Variants in LYZL4 observed in about 807,000 individuals in gnomAD.
LYZL4 encodes the protein lysozyme-like protein 4.
LYZL4 carries 13 observed loss-of-function variants against 17.6 expected under a neutral mutation model. That is an observed-to-expected ratio of 0.74 (90% CI 0.48 to 1.18). The LOEUF (loss-of-function observed/expected upper bound fraction) is 1.18, where lower values mean the gene tolerates loss of function less well. Among genes scored for constraint, LYZL4 ranks in the 50% most tolerant of loss-of-function variants. The pLI is 0.00. For synonymous variants in LYZL4, 64 were observed against 67.7 expected (o/e 0.95, Z 0.27); for missense variants, 174 against 188.2 (o/e 0.92, Z 0.44).
At chr3:42,362,563 C>G in the LYZL4 span, among the ~76,000 whole-genome samples, 3 of 152,202 alleles carry the variant, frequency 2.0e-5, no homozygotes, top group Non-Finnish European at 4.4e-5. Context: ...ATAGATGGAA[C>G]CTTCTAGCTG....
At chr3:42,364,359 TC>T in the LYZL4 span, among the ~76,000 whole-genome samples, 1 of 150,070 alleles carries the variant, frequency 6.7e-6, no homozygotes, top group Non-Finnish European at 1.5e-5. Context: ...TTTTTTTTTT[TC>T]AGGCGGAGTC....
intron 3 of LYZL4, among the ~76,000 whole-genome samples, chr3:42,404,681 T>C (rs2125602231): frequency 6.6e-6 from 1 of 152,298 alleles, no homozygotes; most frequent in Admixed American, 6.5e-5. Context: ...GATAGGTAGA[T>C]AGATTTATAG....
chr3:42,381,118 C>T, the LYZL4 span, among the ~76,000 whole-genome samples: 1 of 152,214 alleles, frequency 6.6e-6, no homozygotes, highest in Non-Finnish European at 1.5e-5. Context: ...AGGTCACCTG[C>T]AGACATGGGA....
chr3:42,366,914 A>G, the LYZL4 span, among the ~76,000 whole-genome samples: 1 of 152,076 alleles, frequency 6.6e-6, no homozygotes, highest in African/African-American at 2.4e-5. Context: ...TGAGACCTAG[A>G]CCCCACCTCT....
the LYZL4 span, among the ~76,000 whole-genome samples, chr3:42,374,776 T>A: frequency 6.6e-6 from 1 of 152,208 alleles, no homozygotes; most frequent in Non-Finnish European, 1.5e-5. Context: ...TTTTTCTAAT[T>A]GCTCCTCAAT....
the LYZL4 span, among the ~76,000 whole-genome samples, chr3:42,378,636 C>T: frequency 2.0e-5 from 3 of 152,126 alleles, no homozygotes; most frequent in Non-Finnish European, 4.4e-5. Context: ...GTTAGGGATG[C>T]CTCACTTCTT....
the LYZL4 span, among the ~76,000 whole-genome samples, chr3:42,370,343 T>C: frequency 2.1e-5 from 3 of 140,428 alleles, no homozygotes; most frequent in Non-Finnish European, 3.1e-5. Context: ...CTCCAGGACA[T>C]GCCCTGGCCA....
In LYZL4 at chr3:42,397,247, C is replaced by A; in HGVS notation, c.*18G>T. On this transcript the variant is annotated 3_prime_UTR_variant, in exon 5 of 5. Coordinates refer to ENST00000287748, the MANE Select transcript of LYZL4 (RefSeq NM_144634.4). ...CACAAGATGCAACTGGTGAGTGCTGCAGGGGCCATGCAGGTGGCTACAGCT... is the reference window on the plus strand; with the variant it reads ...CACAAGATGCAACTGGTGAGTGCTGAAGGGGCCATGCAGGTGGCTACAGCT... 6.5e-7 allele frequency: 1 copy of A among 1,542,758 alleles called. No individual in the cohort carries two copies. Among genetic ancestry groups the A allele is most frequent in the Non-Finnish European group, 8.8e-7 (1 of 1,137,374 alleles).
the LYZL4 span, among the ~76,000 whole-genome samples, chr3:42,382,270 A>G: frequency 6.6e-6 from 1 of 152,212 alleles, no homozygotes; most frequent in South Asian, 2.1e-4. Flanking sequence ...ATATTCCTTA[A>G]TCATAGAATG....
At chr3:42,386,313 G>A in the LYZL4 span, among the ~76,000 whole-genome samples, 1 of 151,528 alleles carries the variant, frequency 6.6e-6, no homozygotes, top group African/African-American at 2.4e-5. Context: ...ATGTTGGCTA[G>A]GCTGGTCTTG....
In LYZL4 at chr3:42,397,328, G is replaced by T. The variant is rs759680288; in HGVS notation, c.378C>A (p.Thr126=). 1 of 1,572,032 alleles carries T rather than the reference G, an allele frequency of 6.4e-7. No individual in the cohort carries two copies. ...CGGAGTACTGGCAGTACCGGGACCA[G>T]GTGGGCCTGTGGAGAGAAGTGAACA... ...KGKEGMGAWP[T]WSRYCQYSDT... The change falls in exon 5 of 5, where the codon ACC becomes ACA. Residue 126 remains threonine, a synonymous_variant. Transcript: ENST00000287748.
downstream of LYZL4, among the ~76,000 whole-genome samples, chr3:42,393,290 G>A (rs1300150352): frequency 1.3e-5 from 2 of 152,094 alleles, no homozygotes; most frequent in East Asian, 3.9e-4. Flanking sequence ...TAAGGGACTT[G>A]GACAGGCTAT....
the LYZL4 span, among the ~76,000 whole-genome samples, chr3:42,363,185 T>C: frequency 6.6e-6 from 1 of 152,094 alleles, no homozygotes; most frequent in East Asian, 1.9e-4. Flanking sequence ...ATAAAATAAA[T>C]AGACATAACC....
the LYZL4 span, among the ~76,000 whole-genome samples, chr3:42,372,921 G>T: frequency 1.3e-5 from 2 of 152,104 alleles, no homozygotes; most frequent in East Asian, 3.9e-4. Flanking sequence ...GAATTAGGAT[G>T]CATGGCTGGG....
the LYZL4 span, among the ~76,000 whole-genome samples, chr3:42,385,356 A>G: frequency 1.3e-5 from 2 of 152,214 alleles, no homozygotes; most frequent in Non-Finnish European, 2.9e-5. Flanking sequence ...AGATACACGA[A>G]TACTTAGCAC....
chr3:42,379,502 C>A, the LYZL4 span, among the ~76,000 whole-genome samples: 2 of 152,258 alleles, frequency 1.3e-5, no homozygotes, highest in Admixed American at 1.3e-4. Flanking sequence ...ATGTGGCCAG[C>A]CATATTCTCA....
chr3:42,361,071 C>T, the LYZL4 span, among the ~76,000 whole-genome samples: 1 of 152,174 alleles, frequency 6.6e-6, no homozygotes. Context: ...TCACTTTTCC[C>T]ATTCCACCTC....
At chr3:42,403,603 G>A (rs961943543) in intron 4 of LYZL4, among the ~76,000 whole-genome samples, 1 of 152,080 alleles carries the variant, frequency 6.6e-6, no homozygotes, top group Non-Finnish European at 1.5e-5. Flanking sequence ...TCGCAAAAAT[G>A]TTGTGATTGG....
intron 1 of LYZL4, among the ~76,000 whole-genome samples, chr3:42,409,043 G>A (rs943768922): frequency 6.6e-6 from 1 of 152,180 alleles, no homozygotes; most frequent in Non-Finnish European, 1.5e-5. Flanking sequence ...TTGCAGACAT[G>A]ACCAGTACAC....
Sources: gnomAD v4.1 joint callset for allele counts (sites outside exome capture counted in the v4.1 genomes callset) on GRCh38, gnomAD v4.1.1 for gene constraint, MANE v1.5 for transcripts, NCBI Gene and HGNC (gene_info 2026-07-23, HGNC 2026-07-21) for gene names.